LRP2: variants seen among roughly 807,000 people sequenced by gnomAD.
LRP2 encodes the protein low-density lipoprotein receptor-related protein 2.
In LRP2, 172 loss-of-function variants were observed where a neutral mutation model predicts 531.0. That is an observed-to-expected ratio of 0.32 (90% confidence interval 0.29 to 0.37). LRP2 has a LOEUF of 0.37. Among genes scored for constraint, LRP2 ranks in the 10% least tolerant of loss-of-function variants. The pLI is 1.00. For missense variants in LRP2, 5,167 were observed against 5,868.3 expected (o/e 0.88, Z 3.90); for synonymous variants, 1,992 against 2,027.6 (o/e 0.98, Z 0.47).
In LRP2 at chr2:169,169,099, C is replaced by CT. The variant is rs563244518; in HGVS notation, c.11498-424dup. ...TCAAGTGATCCATAAAGACTCAAAT[C>CT]TGAGTAATCATGTTGGCTTTCCAGT... On this transcript the variant is annotated intron_variant, in intron 60 of 78. Transcript: ENST00000649046. 9.1e-4 allele frequency among the ~76,000 whole-genome samples: 139 copies of CT among 152,318 alleles called. 1 individual carries two copies. Among genetic ancestry groups the CT allele is most frequent in the South Asian group, 5.8e-3 (28 of 4,830 alleles).
intron 4 of LRP2, among the ~76,000 whole-genome samples, chr2:169,305,895 T>C (rs1684401907): frequency 1.3e-5 from 2 of 152,084 alleles, no homozygotes; most frequent in African/African-American, 4.8e-5. Flanking sequence ...CACGGGAACA[T>C]GGTGTTCAGG....
chr2:169,300,252 T>G (rs1030333814), intron 4 of LRP2, among the ~76,000 whole-genome samples: 5 of 151,524 alleles, frequency 3.3e-5, no homozygotes, highest in Non-Finnish European at 5.9e-5. Context: ...AATGTCACAA[T>G]GGGAAAAAAA....
chr2:169,340,764 G>T (rs1040106783), intron 1 of LRP2, among the ~76,000 whole-genome samples: 5 of 152,130 alleles, frequency 3.3e-5, no homozygotes, highest in Non-Finnish European at 7.4e-5. Flanking sequence ...TGTTTGTCTT[G>T]TTCAAGCCAA....
intron 65 of LRP2, among the ~76,000 whole-genome samples, chr2:169,155,040 A>T (rs1686281174): frequency 6.6e-6 from 1 of 152,198 alleles, no homozygotes; most frequent in South Asian, 2.1e-4. Context: ...GTTTCCTGAC[A>T]GATTTTATGA....
rs145278414 is a variant in LRP2 at position 169,196,848 on chromosome 2, T to C, written c.8698+63A>G. 1.9e-5 allele frequency: 30 copies of C among 1,609,646 alleles called. No individual in the cohort carries two copies. In the African/African-American group the frequency reaches 3.1e-4, roughly 16 times the overall value. ...TGACCCTGGTCTGTATTTGAAGCAG[T>C]TGGAAGAGACTGAAGTTGTCTAGCT... On this transcript the variant is annotated intron_variant, in intron 46 of 78. Coordinates refer to ENST00000649046, the MANE Select transcript of LRP2 (RefSeq NM_004525.3).
Position 169,241,240 on chromosome 2 carries a change from C to T in LRP2, c.3793G>A (p.Ala1265Thr), listed in dbSNP as rs757978474. The T allele has an allele frequency of 2.5e-6, 4 of 1,614,178 alleles. No individual in the cohort carries two copies. Among genetic ancestry groups the T allele is most frequent in the Non-Finnish European group, 3.4e-6 (4 of 1,180,038 alleles). Reference protein sequence around the residue: ...DCLYGSDEHNACVPKTCPSSY... With the variant: ...DCLYGSDEHNTCVPKTCPSSY... Reference sequence around the variant, plus strand: ...GAAGGGCAAGTCTTGGGGACACAGGCATTGTGCTCATCAGATCCATAGAGG... The same window carrying T: ...GAAGGGCAAGTCTTGGGGACACAGGTATTGTGCTCATCAGATCCATAGAGG... Residue 1265 changes from alanine (A) to threonine (T), a missense_variant, in exon 25 of 79, where the codon GCC (alanine) becomes ACC (threonine). Transcript: ENST00000649046.
chr2:169,216,262 T>G lies in LRP2; in HGVS notation c.5817A>C (p.Gly1939=), dbSNP rs746940775. The G allele has an allele frequency of 1.2e-6, 2 of 1,613,402 alleles. No individual in the cohort carries two copies. The highest frequency in any genetic ancestry group is 3.3e-5 in the Admixed American group (2 of 59,946). Reference sequence around the variant, plus strand: ...GAAAGGGTGCTCATACCACTCCTCTTCCAGTGACTGCCCAGTAGAGTTTCT... The same window carrying G: ...GAAAGGGTGCTCATACCACTCCTCTGCCAGTGACTGCCCAGTAGAGTTTCT... ...EEQKLYWAVT[G]RGVIERGNVD... is the part of the protein sequence containing the mutation. The change falls in exon 35 of 79, where the codon GGA becomes GGC. Residue 1939 remains glycine, a synonymous_variant. Coordinates refer to ENST00000649046, the MANE Select transcript of LRP2 (RefSeq NM_004525.3).
intron 44 of LRP2, 48 bp from the exon 45 acceptor site, chr2:169,198,959 T>C (rs189252454): frequency 1.9e-6 from 3 of 1,594,200 alleles, no homozygotes; most frequent in East Asian, 2.3e-5. Flanking sequence ...CCACCAAATA[T>C]GTATTATGAA....
rs1326642183 is a variant in LRP2, at chr2:169,244,764, T to C, written c.3359A>G (p.Gln1120Arg). 1 of 1,614,146 alleles carries C rather than the reference T, an allele frequency of 6.2e-7. No homozygotes were observed. The highest frequency in any genetic ancestry group is 1.1e-5 in the South Asian group (1 of 91,088). Residue 1120 changes from glutamine (Q) to arginine (R), a missense_variant, in exon 22 of 79, where the codon CAG becomes CGG. Gln to Arg is a conservative substitution (Grantham distance 43). This residue lies in a region of LRP2 where 2,811 missense variants were observed against 3,058.0 expected (regional missense o/e 0.92). Transcript: ENST00000649046. ...LDTQYTCDNH[Q>R]CISKNWVCDT... is the part of the protein sequence containing the mutation. ...ACAGACCCAGTTCTTTGAGATACAC[T>C]GGTGATTATCACAGGTGTATTGGGT... is the stretch of plus-strand genomic sequence containing the variant.
At chr2:169,281,148 G>A (rs752233996) in intron 10 of LRP2, among the ~76,000 whole-genome samples, 23 of 152,212 alleles carry the variant, frequency 1.5e-4, no homozygotes, top group East Asian at 5.8e-4. Context: ...AAGGCCAGGC[G>A]CAGTGGCTCA....
At chr2:169,317,428 A>G (rs555316606) in intron 3 of LRP2, among the ~76,000 whole-genome samples, 1 of 152,332 alleles carries the variant, frequency 6.6e-6, no homozygotes, top group African/African-American at 2.4e-5. Flanking sequence ...GGCCTTCAGG[A>G]TGCAAATTTT....
At chr2:169,319,840 T>C (rs1408828716) in intron 2 of LRP2, among the ~76,000 whole-genome samples, 1 of 152,204 alleles carries the variant, frequency 6.6e-6, no homozygotes, top group Non-Finnish European at 1.5e-5. Context: ...GCATGAGTAT[T>C]TGAGGAGCAC....
At chr2:169,202,995 G>A (rs1212300473) in intron 42 of LRP2, 36 bp from the exon 43 acceptor site, 1 of 1,580,698 alleles carries the variant, frequency 6.3e-7, no homozygotes, top group South Asian at 1.1e-5. Context: ...GTAAAAGATG[G>A]ATGCAGCCAC....
In LRP2 at chr2:169,181,592, T is replaced by C. The variant is rs1421316806; in HGVS notation, c.10025A>G (p.His3342Arg). 3.1e-6 allele frequency: 5 copies of C among 1,614,134 alleles called. No individual in the cohort carries two copies. Among genetic ancestry groups the C allele is most frequent in the Non-Finnish European group, 4.2e-6 (5 of 1,180,022 alleles). The change falls in exon 52 of 79, where the codon CAC becomes CGC. Residue 3342 changes from histidine to arginine, a missense_variant. Physicochemically the swap from His to Arg is conservative, Grantham distance 29. Transcript: ENST00000649046. ...YGYLYWADWG[H>R]RAYIGRVGMD... ...GCCTACTCTCCCAATGTATGCGCGGTGACCCCAGTCTGCCCAGTAGAGGTA... is the reference window on the plus strand; with the variant it reads ...GCCTACTCTCCCAATGTATGCGCGGCGACCCCAGTCTGCCCAGTAGAGGTA...
chr2:169,251,147 A>G, intron 19 of LRP2, among the ~76,000 whole-genome samples: 1 of 15,890 alleles, frequency 6.3e-5, no homozygotes, highest in Non-Finnish European at 9.5e-5. Context: ...GACCTAATAG[A>G]CATCTACAGA....
At chr2:169,339,108 T>C (rs1297721827) in intron 1 of LRP2, among the ~76,000 whole-genome samples, 1 of 60,046 alleles carries the variant, frequency 1.7e-5, no homozygotes, top group Non-Finnish European at 3.5e-5. Flanking sequence ...TTCTACAGGG[T>C]TTTTTTTTTG....
At chr2:169,150,827 T>A in intron 68 of LRP2, 71 bp downstream of exon 68, 1 of 1,595,776 alleles carries the variant, frequency 6.3e-7, no homozygotes, top group Non-Finnish European at 8.6e-7. Flanking sequence ...AAAAAAATTA[T>A]AAGAAACATG....
At chr2:169,267,494 C>G (rs752325715) in intron 16 of LRP2, among the ~76,000 whole-genome samples, 7 of 152,150 alleles carry the variant, frequency 4.6e-5, no homozygotes, top group Admixed American at 3.9e-4. Context: ...ACAACGTGCT[C>G]CTGAATGACT....
intron 76 of LRP2, among the ~76,000 whole-genome samples, chr2:169,134,963 T>G (rs1685443430): frequency 6.6e-6 from 1 of 152,104 alleles, no homozygotes; most frequent in Non-Finnish European, 1.5e-5. Context: ...CACAGTCAGT[T>G]TTTCTCCTTC....
Sources: allele counts gnomAD v4.1 joint callset (sites outside exome capture counted in the v4.1 genomes callset), GRCh38; gene constraint gnomAD v4.1.1; regional missense constraint gnomAD v4.1.1; transcripts MANE v1.5; gene names NCBI Gene and HGNC (gene_info 2026-07-23, HGNC 2026-07-21).